Variants in LRP1B observed in about 807,000 individuals in gnomAD.
LRP1B encodes the protein low-density lipoprotein receptor-related protein 1B.
A neutral mutation model predicts 556.6 loss-of-function variants in LRP1B; 217 were observed. The observed-to-expected ratio is 0.39, with a 90% CI of 0.35 to 0.44. The LOEUF (loss-of-function observed/expected upper bound fraction) is 0.44, where lower values mean the gene tolerates loss of function less well. Ranked by LOEUF, LRP1B falls within the 20% of genes least tolerant of loss-of-function variation. LRP1B has a pLI of 1.00. For synonymous variants in LRP1B, 2,047 were observed against 1,865.8 expected (o/e 1.10, Z -2.50); for missense variants, 5,053 against 5,620.8 (o/e 0.90, Z 3.23).
At chr2:140,852,570 C>G in intron 27 of LRP1B, among the ~76,000 whole-genome samples, 1 of 152,160 alleles carries the variant, frequency 6.6e-6, no homozygotes, top group East Asian at 1.9e-4. Flanking sequence ...CCTTCAAACA[C>G]GTGCTCTTCT....
chr2:140,840,879 A>G lies in LRP1B; in HGVS notation c.5114+39T>C, dbSNP rs200602930. On this transcript the variant is annotated intron_variant, in intron 30 of 90. Coordinates refer to ENST00000389484, the MANE Select transcript of LRP1B (RefSeq NM_018557.3). ...TATAAAATCAGGGCAAAAGTCTATG[A>G]AATTTTGGAAAAACTTTAAAAAAAA... 5 of 1,411,014 alleles carry G rather than the reference A, an allele frequency of 3.5e-6. No homozygotes were observed. The East Asian group carries it at 1.2e-4, about 35-fold the overall frequency. The allele number at this position is 1,411,014 out of a possible 1,614,324, so 87.4% of individuals were successfully genotyped here. A position where few individuals can be genotyped will look rare whatever the true frequency, so the allele number is the denominator to read the frequency against.
intron 47 of LRP1B, among the ~76,000 whole-genome samples, chr2:140,529,619 A>C (rs1455592781): frequency 6.6e-6 from 1 of 151,956 alleles, no homozygotes; most frequent in East Asian, 1.9e-4. Flanking sequence ...AATCTTTCAA[A>C]GGTTTGCTAT....
At chr2:141,857,513 T>A (rs114244950) in intron 1 of LRP1B, among the ~76,000 whole-genome samples, 4,027 of 149,016 alleles carry the variant, frequency 0.027, 152 homozygotes, top group African/African-American at 0.09. Context: ...AAAAAAAAAA[T>A]TTTTGTAGAC....
intron 3 of LRP1B, among the ~76,000 whole-genome samples, chr2:141,354,454 G>T (rs1156945540): frequency 6.6e-6 from 1 of 151,978 alleles, no homozygotes; most frequent in Non-Finnish European, 1.5e-5. Context: ...TTTATGCAAA[G>T]AATGAAGAGT....
At chr2:140,257,183 G>A (rs1368893244) in intron 86 of LRP1B, among the ~76,000 whole-genome samples, 1 of 152,056 alleles carries the variant, frequency 6.6e-6, no homozygotes, top group East Asian at 1.9e-4. Flanking sequence ...AATTAATCTA[G>A]TTTTATTGAC....
At chr2:141,984,812 A>G (rs1454279419) in intron 1 of LRP1B, among the ~76,000 whole-genome samples, 6 of 152,112 alleles carry the variant, frequency 3.9e-5, no homozygotes, top group Admixed American at 3.3e-4. Context: ...TTATAAGTAC[A>G]TTGTCAGGGG....
Position 140,903,130 on chromosome 2 carries a change from G to A in LRP1B, c.3556C>T (p.His1186Tyr), listed in dbSNP as rs1170996968. 1 of 1,613,404 alleles carries A rather than the reference G, an allele frequency of 6.2e-7. No homozygotes were observed. The highest frequency in any genetic ancestry group is 8.5e-7 in the Non-Finnish European group (1 of 1,179,614). Residue 1186 changes from histidine to tyrosine, a missense_variant, in exon 23 of 91, where the codon CAC becomes TAC. Coordinates refer to ENST00000389484, the MANE Select transcript of LRP1B (RefSeq NM_018557.3). ...CSLNNGGCSN[H>Y]CSVVPGRGIV... ...CCTCTTCCAGGAACAACAGAACAGT[G>A]GTTGCTACAGCCTCCATTGTTCAGC... is the stretch of plus-strand genomic sequence containing the variant.
chr2:140,576,794 A>G (rs1480736022), intron 43 of LRP1B, among the ~76,000 whole-genome samples: 1 of 152,136 alleles, frequency 6.6e-6, no homozygotes, highest in Non-Finnish European at 1.5e-5. Flanking sequence ...CCTGAGCTTC[A>G]TTCTGATGGT....
chr2:141,074,344 A>G (rs1020114024), intron 7 of LRP1B, among the ~76,000 whole-genome samples: 3 of 152,006 alleles, frequency 2.0e-5, no homozygotes, highest in Admixed American at 2.0e-4. Flanking sequence ...TGTTTTTCCA[A>G]TATCAATTAG....
chr2:141,652,493 A>C (rs1279135148), intron 2 of LRP1B, among the ~76,000 whole-genome samples: 7 of 152,308 alleles, frequency 4.6e-5, no homozygotes, highest in Non-Finnish European at 1.0e-4. Context: ...TCTTTTTAGC[A>C]ACATTGACAG....
At chr2:142,087,650 G>C (rs1343038942) in intron 1 of LRP1B, among the ~76,000 whole-genome samples, 7 of 151,062 alleles carry the variant, frequency 4.6e-5, no homozygotes, top group Non-Finnish European at 1.5e-5. Flanking sequence ...CAGCAAATTG[G>C]GAATAATACC....
chr2:141,179,320 T>C (rs1181101620), intron 7 of LRP1B, among the ~76,000 whole-genome samples: 1 of 152,010 alleles, frequency 6.6e-6, no homozygotes, highest in African/African-American at 2.4e-5. Context: ...GCTTGAAAAC[T>C]TTCAGAAGGC....
At chr2:140,802,457 C>T (rs892961730) in intron 32 of LRP1B, among the ~76,000 whole-genome samples, 21 of 152,256 alleles carry the variant, frequency 1.4e-4, no homozygotes, top group Non-Finnish European at 2.6e-4. Flanking sequence ...TTAAGAAATA[C>T]TAAATTATCC....
chr2:140,293,987 C>T (rs1423495002), intron 84 of LRP1B, among the ~76,000 whole-genome samples: 1 of 152,146 alleles, frequency 6.6e-6, no homozygotes, highest in Admixed American at 6.5e-5. Flanking sequence ...TAATGCAGCT[C>T]TTTATAAAGC....
intron 2 of LRP1B, among the ~76,000 whole-genome samples, chr2:141,519,360 GATATATATATAT>G (rs60473210): frequency 0.063 from 4,326 of 68,148 alleles, 197 homozygotes; most frequent in African/African-American, 0.1. Flanking sequence ...TTAAGTCAAT[GATATATATATAT>G]ATATATATAT....
At chr2:141,624,800 C>T (rs1244635521) in intron 2 of LRP1B, among the ~76,000 whole-genome samples, 3 of 151,940 alleles carry the variant, frequency 2.0e-5, no homozygotes, top group Admixed American at 6.6e-5. Flanking sequence ...GATGGGGTCT[C>T]GCGCTGTCAC....
intron 66 of LRP1B, among the ~76,000 whole-genome samples, chr2:140,441,213 G>A (rs533407634): frequency 6.6e-6 from 1 of 152,106 alleles, no homozygotes; most frequent in Admixed American, 6.5e-5. Flanking sequence ...GGAAGGAGAG[G>A]AAAATACAGA....
At chr2:140,559,614 T>C (rs1251116025) in intron 43 of LRP1B, among the ~76,000 whole-genome samples, 1 of 152,036 alleles carries the variant, frequency 6.6e-6, no homozygotes. Flanking sequence ...TGACGAGGCA[T>C]GTCAAGAGAA....
chr2:141,712,872 G>T (rs1371149727), intron 2 of LRP1B, among the ~76,000 whole-genome samples: 1 of 127,718 alleles, frequency 7.8e-6, no homozygotes, highest in African/African-American at 2.9e-5. Flanking sequence ...TAGAGATGGG[G>T]TGTCACCATG....
Sources: gnomAD v4.1 joint callset for allele counts (sites outside exome capture counted in the v4.1 genomes callset) on GRCh38, gnomAD v4.1.1 for gene constraint, MANE v1.5 for transcripts, NCBI Gene and HGNC (gene_info 2026-07-23, HGNC 2026-07-21) for gene names.